The following FOXP1 variants were observed in gnomAD, a reference collection of about 807,000 sequenced individuals.
The protein encoded by FOXP1 is forkhead box protein P1.
Under a neutral mutation model 98.2 loss-of-function variants are expected in FOXP1, and 15 were observed. The observed-to-expected ratio is 0.15, with a 90% confidence interval of 0.10 to 0.24. The LOEUF is 0.24. Ranked by LOEUF, FOXP1 falls within the 10% of genes least tolerant of loss-of-function variation. FOXP1 has a pLI of 1.00. For missense variants in FOXP1, 633 were observed against 848.5 expected, an observed-to-expected ratio of 0.75 and a Z score of 3.15; for synonymous variants, 371 against 314.5, an observed-to-expected ratio of 1.18 and a Z score of -1.90.
intron 3 of FOXP1, among the ~76,000 whole-genome samples, chr3:71,369,349 C>T (rs1485134609): frequency 1.3e-5 from 2 of 152,148 alleles, no homozygotes; most frequent in Admixed American, 1.3e-4. Flanking sequence ...GAGATCACTC[C>T]ACTGCACTCC....
chr3:71,476,856 T>G (rs1406063390), intron 3 of FOXP1, among the ~76,000 whole-genome samples: 2 of 152,116 alleles, frequency 1.3e-5, no homozygotes, highest in African/African-American at 4.8e-5. Flanking sequence ...TTCCTGTCCT[T>G]TGGTCTTATT....
intron 6 of FOXP1, chr3:71,130,775 G>A (rs2059526139): frequency 1.4e-6 from 2 of 1,438,280 alleles, no homozygotes; most frequent in Non-Finnish European, 1.8e-6. Flanking sequence ...AATTCCTCAA[G>A]TAATTCTTCA....
At chr3:71,180,796 G>T (rs576296772) in intron 6 of FOXP1, among the ~76,000 whole-genome samples, 124 of 152,236 alleles carry the variant, frequency 8.1e-4, no homozygotes, top group Middle Eastern at 3.4e-3. Context: ...GAGCCCCAAA[G>T]ATTTTATCTG....
intron 2 of FOXP1, among the ~76,000 whole-genome samples, chr3:71,548,736 C>G (rs544826060): frequency 2.7e-4 from 41 of 152,110 alleles, no homozygotes; most frequent in African/African-American, 9.6e-4. Context: ...CTCTATTCCC[C>G]AGCCCCCTGA....
chr3:71,091,969 C>A (rs2055903772), intron 7 of FOXP1, among the ~76,000 whole-genome samples: 1 of 152,118 alleles, frequency 6.6e-6, no homozygotes, highest in Admixed American at 6.5e-5. Context: ...AGGCAGATCA[C>A]TTGAGGTCAG....
chr3:71,353,292 G>A (rs1217163427), intron 4 of FOXP1, among the ~76,000 whole-genome samples: 2 of 152,182 alleles, frequency 1.3e-5, no homozygotes, highest in African/African-American at 4.8e-5. Flanking sequence ...GCTGATCTAG[G>A]CCCTCAAGCA....
At chr3:71,361,687 C>CA (rs1294630437) in intron 3 of FOXP1, among the ~76,000 whole-genome samples, 1 of 152,162 alleles carries the variant, frequency 6.6e-6, no homozygotes, top group Non-Finnish European at 1.5e-5. Context: ...ACAGGGCTGT[C>CA]AGCCTGTCGT....
chr3:71,538,420 C>T (rs1056972880), intron 2 of FOXP1, among the ~76,000 whole-genome samples: 8 of 152,186 alleles, frequency 5.3e-5, no homozygotes, highest in Non-Finnish European at 8.8e-5. Flanking sequence ...ATTGAATATG[C>T]GGTCCCTTGG....
chr3:71,313,091 G>A (rs533121248), intron 4 of FOXP1, among the ~76,000 whole-genome samples: 33 of 125,846 alleles, frequency 2.6e-4, no homozygotes, highest in Middle Eastern at 5.4e-3. Flanking sequence ...ATGGAGTCTC[G>A]CTGTGCCACC....
chr3:70,976,825 T>G lies in FOXP1; in HGVS notation c.1530+116A>C, dbSNP rs548610208. ...AAATACACCTAGAGATTGGACACTT[T>G]AAGAGTATCAAAACAATATAAATGT... On this transcript the variant is annotated intron_variant, in intron 17 of 20. Transcript: ENST00000649528. 5.2e-4 allele frequency: 392 copies of G among 758,904 alleles called. 7 individuals are homozygous for G. The highest frequency in any genetic ancestry group is 5.1e-3 in the South Asian group (355 of 69,056). 47.0% of individuals were successfully genotyped at this position (758,904 alleles called of 1,614,324 possible). A position where few individuals can be genotyped will look rare whatever the true frequency, so the allele number is the denominator to read the frequency against.
At chr3:70,981,442 T>C (rs1396802033) in intron 14 of FOXP1, among the ~76,000 whole-genome samples, 1 of 152,116 alleles carries the variant, frequency 6.6e-6, no homozygotes, top group East Asian at 1.9e-4. Flanking sequence ...TCTCAGCTAA[T>C]TACCAGATAA....
intron 5 of FOXP1, among the ~76,000 whole-genome samples, chr3:71,279,161 A>G (rs2071236064): frequency 1.6e-5 from 2 of 125,846 alleles, no homozygotes; most frequent in African/African-American, 6.1e-5. Flanking sequence ...GACAAGAGTG[A>G]AACTCCATCT....
At chr3:71,188,127 ACT>A (rs2062753627) in intron 6 of FOXP1, among the ~76,000 whole-genome samples, 1 of 152,142 alleles carries the variant, frequency 6.6e-6, no homozygotes, top group African/African-American at 2.4e-5. Context: ...GAGAGGCATG[ACT>A]CTGCTGTTGA....
At chr3:71,436,169 G>A (rs1194194199) in intron 3 of FOXP1, among the ~76,000 whole-genome samples, 3 of 151,756 alleles carry the variant, frequency 2.0e-5, no homozygotes, top group Admixed American at 2.0e-4. Context: ...CCTGGTATGG[G>A]CTCTTCAGGT....
intron 3 of FOXP1, among the ~76,000 whole-genome samples, chr3:71,425,211 G>A (rs956293344): frequency 6.6e-6 from 1 of 152,104 alleles, no homozygotes; most frequent in Non-Finnish European, 1.5e-5. Context: ...CACCTCCCAG[G>A]TTCAAGCAAT....
chr3:70,960,094 A>G (rs1048810414), intron 20 of FOXP1, among the ~76,000 whole-genome samples: 13 of 152,032 alleles, frequency 8.6e-5, no homozygotes, highest in African/African-American at 2.4e-4. Context: ...CCAGAGGACG[A>G]CCCCAAGCGA....
At chr3:70,990,908 C>T (rs2040501683) in intron 13 of FOXP1, among the ~76,000 whole-genome samples, 1 of 152,142 alleles carries the variant, frequency 6.6e-6, no homozygotes, top group Non-Finnish European at 1.5e-5. Flanking sequence ...ATTATGTAAC[C>T]TTTTTAATTA....
intron 13 of FOXP1, among the ~76,000 whole-genome samples, chr3:70,990,298 C>T (rs917766849): frequency 6.6e-6 from 1 of 152,132 alleles, no homozygotes; most frequent in Non-Finnish European, 1.5e-5. Flanking sequence ...GAAAGAAACC[C>T]GCCAAATTCA....
chr3:71,195,965 T>G (rs1262331080), intron 6 of FOXP1, among the ~76,000 whole-genome samples: 1 of 152,232 alleles, frequency 6.6e-6, no homozygotes, highest in East Asian at 1.9e-4. Flanking sequence ...ATCTACAGAT[T>G]TCCCTTTTCC....
Sources: gnomAD v4.1 joint callset for allele counts (sites outside exome capture counted in the v4.1 genomes callset) on GRCh38, gnomAD v4.1.1 for gene constraint, MANE v1.5 for transcripts, NCBI Gene and HGNC (gene_info 2026-07-23, HGNC 2026-07-21) for gene names.